NR1H3: variants seen among roughly 807,000 people sequenced by gnomAD.
NR1H3 encodes the protein oxysterols receptor LXR-alpha.
In NR1H3, 19 loss-of-function variants were observed where a neutral mutation model predicts 48.1. The observed-to-expected ratio is 0.40, with a 90% CI of 0.28 to 0.58. The LOEUF (loss-of-function observed/expected upper bound fraction) is 0.58. Among genes scored for constraint, NR1H3 ranks in the 20% least tolerant of loss-of-function variants. The pLI is 0.50. For synonymous variants in NR1H3, 232 were observed against 227.3 expected, an observed-to-expected ratio of 1.02 and a Z score of -0.19; for missense variants, 486 against 595.9, an observed-to-expected ratio of 0.82 and a Z score of 1.92.
At chr11:47,254,778 C>T (rs1954937157), upstream of NR1H3, among the ~76,000 whole-genome samples, 1 of 152,252 alleles carries the variant, frequency 6.6e-6, no homozygotes, top group Non-Finnish European at 1.5e-5. Flanking sequence ...CCCTGTGCTT[C>T]CTCTCATCTT....
At chr11:47,268,494 T>C in intron 9 of NR1H3, 56 bp from the exon 10 acceptor site, 1 of 1,610,826 alleles carries the variant, frequency 6.2e-7, no homozygotes, top group Non-Finnish European at 8.5e-7. Flanking sequence ...CCCCTACTCT[T>C]GCCCCGCTTC....
At chr11:47,253,140 T>TGTG (rs1954806551), upstream of NR1H3, among the ~76,000 whole-genome samples, 1 of 151,598 alleles carries the variant, frequency 6.6e-6, no homozygotes, top group Admixed American at 6.6e-5. Flanking sequence ...TGTGCGTGTG[T>TGTG]GTGTTTTCTG....
At chr11:47,255,539 CTTTTTCTT>C (rs1219184067), upstream of NR1H3, among the ~76,000 whole-genome samples, 284 of 110,572 alleles carry the variant, frequency 2.6e-3, 3 homozygotes, top group Middle Eastern at 5.0e-3. Flanking sequence ...TTCTTTCTTT[CTTTTTCTT>C]TCTTTCTTTC....
In NR1H3 at chr11:47,261,591, G is replaced by A; in HGVS notation, c.753G>A (p.Gln251=). Residue 251 remains glutamine, a synonymous_variant, in exon 6 of 10, where the codon CAG becomes CAA. Transcript: ENST00000441012. ...APDPHSREAR[Q]QRFAHFTELA... ...ATCCCCATAGCCGGGAGGCCCGTCA[G>A]CAGCGCTTTGCCCACTTCACTGAGC... is the stretch of plus-strand genomic sequence containing the variant. The A allele has an allele frequency of 3.1e-6, 5 of 1,614,212 alleles. No individual in the cohort carries two copies. Among genetic ancestry groups the A allele is most frequent in the Non-Finnish European group, 4.2e-6 (5 of 1,180,042 alleles).
Position 47,259,205 on chromosome 11 carries a change from C to T in NR1H3, c.-12C>T. On this transcript the variant is annotated 5_prime_UTR_variant, in exon 2 of 10. Transcript: ENST00000441012. ...GACAGTGCCTTGGTAATGACCAGGG[C>T]TCCAGGAAGAGATGTCCTTGTGGCT... 1 of 1,614,180 alleles carries T rather than the reference C, an allele frequency of 6.2e-7. No individual in the cohort carries two copies. The highest frequency in any genetic ancestry group is 8.5e-7 in the Non-Finnish European group (1 of 1,180,014).
intron 8 of NR1H3, 81 bp downstream of exon 8, chr11:47,268,107 G>T (rs562280011): frequency 7.3e-6 from 9 of 1,228,942 alleles, no homozygotes; most frequent in South Asian, 3.7e-5. Context: ...GGTGGGGGGA[G>T]GGGGGTGGTG....
chr11:47,268,525 G>A, intron 9 of NR1H3, 25 bp from the exon 10 acceptor site: 2 of 1,614,102 alleles, frequency 1.2e-6, no homozygotes, highest in Non-Finnish European at 1.7e-6. Flanking sequence ...GGCAAAAGCT[G>A]TGTTTGTCTC....
intron 1 of NR1H3, among the ~76,000 whole-genome samples, chr11:47,251,262 C>G (rs571206335): frequency 2.0e-5 from 3 of 152,134 alleles, no homozygotes; most frequent in Admixed American, 6.6e-5. Context: ...TTGGTGATCC[C>G]GAAATCCTTT....
intron 7 of NR1H3, among the ~76,000 whole-genome samples, chr11:47,266,816 AT>A (rs1301318948): frequency 6.8e-6 from 1 of 147,538 alleles, no homozygotes; most frequent in Non-Finnish European, 1.5e-5. Flanking sequence ...TAATTTTTGT[AT>A]TTTCAGTGAG....
upstream of NR1H3, chr11:47,248,514 T>C (rs1954315634): frequency 6.4e-7 from 1 of 1,551,254 alleles, no homozygotes; most frequent in African/African-American, 1.4e-5. Context: ...CTGACTCCCA[T>C]AAGCCAGGGC....
chr11:47,255,619 T>TCTC (rs1565178937), upstream of NR1H3, among the ~76,000 whole-genome samples: 205 of 83,036 alleles, frequency 2.5e-3, 2 homozygotes, highest in African/African-American at 8.1e-3. Flanking sequence ...CTCTCTCTCT[T>TCTC]TCTTTCTTTC....
At chr11:47,249,094 T>G in intron 1 of NR1H3, 1 of 1,232,500 alleles carries the variant, frequency 8.1e-7, no homozygotes, top group East Asian at 2.6e-5. Flanking sequence ...AGAAATCCCT[T>G]ACCAAGGTGG....
intron 2 of NR1H3, chr11:47,259,502 C>A: frequency 2.0e-6 from 3 of 1,535,810 alleles, no homozygotes; most frequent in Non-Finnish European, 1.8e-6. Context: ...CAGCTGAGTG[C>A]TTACCCTGCT....
intron 7 of NR1H3, among the ~76,000 whole-genome samples, chr11:47,266,808 A>G (rs1956531013): frequency 6.7e-6 from 1 of 149,318 alleles, no homozygotes; most frequent in Non-Finnish European, 1.5e-5. Flanking sequence ...CGCCCAGCTA[A>G]TTTTTGTATT....
chr11:47,249,107 C>T (rs1954381105), intron 1 of NR1H3: 1 of 1,080,708 alleles, frequency 9.3e-7, no homozygotes, highest in East Asian at 2.7e-5. Context: ...CAAGGTGGCA[C>T]TTGCAGTGGG....
intron 7 of NR1H3, among the ~76,000 whole-genome samples, chr11:47,266,583 C>G (rs1240594372): frequency 6.6e-6 from 1 of 151,984 alleles, no homozygotes; most frequent in Non-Finnish European, 1.5e-5. Context: ...ATCCGTCTGC[C>G]TCGGCCTCCT....
chr11:47,261,369 C>T lies in NR1H3; in HGVS notation c.628C>T (p.Gln210Ter), dbSNP rs1591124940. ...AATCCTGCCCCAGCTCAGCCCGGAA[C>T]AACTGGGCATGATCGAGAAGCTCGT... ...PQILPQLSPE[Q>*]LGMIEKLVAA... Residue 210 changes from glutamine (Q) to a stop codon, truncating the protein, a stop_gained, in exon 5 of 10, where the codon CAA becomes TAA. Transcript: ENST00000441012. LOFTEE classifies it high-confidence loss of function. 2 of 1,614,124 alleles carry T rather than the reference C, an allele frequency of 1.2e-6. No individual in the cohort carries two copies. The highest frequency in any genetic ancestry group is 1.7e-6 in the Non-Finnish European group (2 of 1,180,022).
intron 7 of NR1H3, among the ~76,000 whole-genome samples, chr11:47,267,545 A>G (rs1008551040): frequency 2.0e-5 from 3 of 148,916 alleles, no homozygotes; most frequent in Admixed American, 6.7e-5. Context: ...ATCTCGCTCT[A>G]TCGCCCAGGC....
chr11:47,268,398 A>G, intron 9 of NR1H3, 43 bp downstream of exon 9: 6 of 1,600,788 alleles, frequency 3.7e-6, no homozygotes, highest in Non-Finnish European at 4.3e-6. Context: ...TCCCACACAC[A>G]GGCCCATTCC....
Sources: gnomAD v4.1 joint callset for allele counts (sites outside exome capture counted in the v4.1 genomes callset) on GRCh38, gnomAD v4.1.1 for gene constraint, MANE v1.5 for transcripts, NCBI Gene and HGNC (gene_info 2026-07-23, HGNC 2026-07-21) for gene names.